The following GRID2 variants were observed in gnomAD, a reference collection of about 807,000 sequenced individuals.
The protein encoded by GRID2 is glutamate ionotropic receptor delta type subunit 2, also known as glutamate receptor ionotropic, delta-2.
GRID2 carries 33 observed loss-of-function variants against 114.8 expected under a neutral mutation model. The observed-to-expected ratio is 0.29, with a 90% confidence interval of 0.22 to 0.38. GRID2 has a LOEUF of 0.38. Ranked by LOEUF, GRID2 falls within the 10% of genes least tolerant of loss-of-function variation. The probability of loss-of-function intolerance (pLI) is 1.00; values close to 1 mark genes in which losing one functional copy is unlikely to be tolerated. For missense variants in GRID2, 1,184 were observed against 1,257.7 expected (o/e 0.94, Z 0.89); for synonymous variants, 505 against 449.9 (o/e 1.12, Z -1.55).
At chr4:92,820,833 T>G (rs1321872322) in intron 2 of GRID2, among the ~76,000 whole-genome samples, 1 of 152,100 alleles carries the variant, frequency 6.6e-6, no homozygotes, top group African/African-American at 2.4e-5. Context: ...ATGTTATAAT[T>G]AATAATCTTA....
rs920172288 is a variant in GRID2, at chr4:93,328,749, A to C, written c.1246-66858A>C. Among the ~76,000 whole-genome samples, 3 of 143,722 alleles carry C rather than the reference A, an allele frequency of 2.1e-5. No homozygotes were observed. The East Asian group carries it at 5.9e-4, about 28-fold the overall frequency. The allele number at this position is 143,722 out of a possible 152,430, so 94.3% of individuals were successfully genotyped here. On this transcript the variant is annotated intron_variant, in intron 8 of 15. Transcript: ENST00000282020. ...TGGATGGATGGATGGATGGATGGATAGACAAATGATACTCAGGTGGAGCTG... is the reference window on the plus strand; with the variant it reads ...TGGATGGATGGATGGATGGATGGATCGACAAATGATACTCAGGTGGAGCTG...
At chr4:93,456,539 T>C (rs543135122) in intron 11 of GRID2, among the ~76,000 whole-genome samples, 2 of 152,334 alleles carry the variant, frequency 1.3e-5, no homozygotes, top group East Asian at 3.9e-4. Context: ...ATGTCATTGC[T>C]CTGTTATTTA....
chr4:92,542,075 G>A lies in GRID2; in HGVS notation c.89-48056G>A, dbSNP rs184932351. ...ACAATGTAATAACTGTGGTTCTTAG[G>A]TCAAGAATATTTGAAAATGTAGTTC... is the stretch of plus-strand genomic sequence containing the variant. On this transcript the variant is annotated intron_variant, in intron 1 of 15. Transcript: ENST00000282020. 5.5e-3 allele frequency among the ~76,000 whole-genome samples: 836 copies of A among 152,124 alleles called. 10 individuals are homozygous for A. The highest frequency in any genetic ancestry group is 0.02 in the African/African-American group (812 of 41,514).
intron 14 of GRID2, among the ~76,000 whole-genome samples, chr4:93,732,983 C>T (rs1169549003): frequency 6.6e-6 from 1 of 151,630 alleles, no homozygotes; most frequent in Non-Finnish European, 1.5e-5. Flanking sequence ...GAAAGCATGG[C>T]ACTAAAGTAG....
chr4:92,546,553 T>C (rs543567287), intron 1 of GRID2, among the ~76,000 whole-genome samples: 4 of 152,322 alleles, frequency 2.6e-5, no homozygotes, highest in Middle Eastern at 3.4e-3. Context: ...TGTGTGTGTG[T>C]GCGCGCGCGT....
intron 13 of GRID2, among the ~76,000 whole-genome samples, chr4:93,524,045 C>T (rs777117394): frequency 9.9e-5 from 15 of 152,024 alleles, no homozygotes; most frequent in Non-Finnish European, 1.6e-4. Flanking sequence ...AATGAGCCAT[C>T]AGCAGAAGGA....
At chr4:93,086,549 G>C (rs1026726244) in intron 3 of GRID2, among the ~76,000 whole-genome samples, 6 of 152,084 alleles carry the variant, frequency 3.9e-5, no homozygotes, top group Non-Finnish European at 7.4e-5. Flanking sequence ...GGCAGCCAGA[G>C]TCTTATTAAA....
chr4:92,647,083 G>A (rs1477938607), intron 2 of GRID2, among the ~76,000 whole-genome samples: 2 of 152,188 alleles, frequency 1.3e-5, no homozygotes, highest in African/African-American at 4.8e-5. Context: ...GAGAGGCAAT[G>A]TTTCCCAATA....
chr4:92,607,102 T>C (rs1729491105), intron 2 of GRID2, among the ~76,000 whole-genome samples: 1 of 152,010 alleles, frequency 6.6e-6, no homozygotes, highest in African/African-American at 2.4e-5. Context: ...CATTTATGCC[T>C]GGTTGCAATT....
intron 8 of GRID2, among the ~76,000 whole-genome samples, chr4:93,304,255 T>A (rs1186759296): frequency 1.5e-5 from 1 of 65,850 alleles, no homozygotes; most frequent in Non-Finnish European, 2.8e-5. Flanking sequence ...AATAATATTT[T>A]AAATATATAT....
intron 4 of GRID2, among the ~76,000 whole-genome samples, chr4:93,189,431 G>C (rs954923876): frequency 6.6e-6 from 1 of 151,912 alleles, no homozygotes; most frequent in Non-Finnish European, 1.5e-5. Context: ...ACTCATGACG[G>C]TTATGCTCAC....
rs186249922 is a variant in GRID2 at position 93,220,254 on chromosome 4, T to A, written c.963+3343T>A. Among the ~76,000 whole-genome samples the A allele has an allele frequency of 5.5e-3, 829 of 151,596 alleles. 8 individuals carry two copies. The highest frequency in any genetic ancestry group is 0.017 in the African/African-American group (724 of 41,454). On this transcript the variant is annotated intron_variant, in intron 6 of 15. Coordinates refer to ENST00000282020, the MANE Select transcript of GRID2 (RefSeq NM_001510.4). Reference sequence around the variant, plus strand: ...AGCCTTTATTTATATATATATATATTTTTTTAGATTGGGAGAATGTCATAA... The same window carrying A: ...AGCCTTTATTTATATATATATATATATTTTTAGATTGGGAGAATGTCATAA...
intron 14 of GRID2, among the ~76,000 whole-genome samples, chr4:93,761,502 G>T (rs1733205164): frequency 6.6e-6 from 1 of 152,140 alleles, no homozygotes; most frequent in Admixed American, 6.5e-5. Flanking sequence ...TTGAGTAGTT[G>T]TGATGGACAC....
chr4:93,683,703 C>G (rs1725811990), intron 14 of GRID2, among the ~76,000 whole-genome samples: 1 of 151,912 alleles, frequency 6.6e-6, no homozygotes, highest in Non-Finnish European at 1.5e-5. Flanking sequence ...TTAAATATGC[C>G]AAGATACATG....
chr4:93,440,152 A>G lies in GRID2; in HGVS notation c.1546-15510A>G, dbSNP rs115468068. 6.3e-3 allele frequency among the ~76,000 whole-genome samples: 961 copies of G among 152,206 alleles called. 7 individuals are homozygous for G. The highest frequency in any genetic ancestry group is 0.022 in the African/African-American group (908 of 41,552). ...TCAGCTGGGTGCCTGAAAGCCATCAAAAATGTTCCATGATCACACAAAAGA... is the reference window on the plus strand; with the variant it reads ...TCAGCTGGGTGCCTGAAAGCCATCAGAAATGTTCCATGATCACACAAAAGA... On this transcript the variant is annotated intron_variant, in intron 10 of 15. Transcript: ENST00000282020.
At chr4:92,621,272 A>G (rs1232962465) in intron 2 of GRID2, among the ~76,000 whole-genome samples, 1 of 151,842 alleles carries the variant, frequency 6.6e-6, no homozygotes, top group Non-Finnish European at 1.5e-5. Context: ...AGATGAAGTG[A>G]TGGTTTAAGA....
intron 1 of GRID2, among the ~76,000 whole-genome samples, chr4:92,428,097 C>T (rs1442169655): frequency 6.6e-6 from 1 of 151,906 alleles, no homozygotes; most frequent in Non-Finnish European, 1.5e-5. Context: ...CCCGTCTCTA[C>T]TAAAAATACA....
chr4:93,691,480 T>G lies in GRID2; in HGVS notation c.2360+65045T>G, dbSNP rs919296579. Among the ~76,000 whole-genome samples, 3 of 152,064 alleles carry G rather than the reference T, an allele frequency of 2.0e-5. No homozygotes were observed. In the East Asian group the frequency reaches 5.8e-4, roughly 29 times the overall value. On this transcript the variant is annotated intron_variant, in intron 14 of 15. Coordinates refer to ENST00000282020, the MANE Select transcript of GRID2 (RefSeq NM_001510.4). Reference sequence around the variant, plus strand: ...TCATGAAAAGTGTCCAGGGTTTTGTTATGGGCAGACCTGAGTTCAAATCTC... The same window carrying G: ...TCATGAAAAGTGTCCAGGGTTTTGTGATGGGCAGACCTGAGTTCAAATCTC...
At chr4:93,226,150 T>C (rs1745458141) in intron 7 of GRID2, among the ~76,000 whole-genome samples, 1 of 152,154 alleles carries the variant, frequency 6.6e-6, no homozygotes, top group South Asian at 2.1e-4. Context: ...AATATTCACG[T>C]CCCGCTCACA....
Sources: gnomAD v4.1 joint callset for allele counts (sites outside exome capture counted in the v4.1 genomes callset) on GRCh38, gnomAD v4.1.1 for gene constraint, MANE v1.5 for transcripts, NCBI Gene and HGNC (gene_info 2026-07-23, HGNC 2026-07-21) for gene names.